CDK14: variants seen among roughly 807,000 people sequenced by gnomAD.
The protein encoded by CDK14 is cyclin dependent kinase 14.
CDK14 carries 34 observed loss-of-function variants against 60.7 expected under a neutral mutation model. The ratio of observed to expected loss-of-function variants is 0.56; its 90% CI spans 0.43 to 0.75. The LOEUF is 0.75. Ranked by LOEUF, CDK14 falls within the 30% of genes least tolerant of loss-of-function variation. The pLI is 0.00. For missense variants in CDK14, 482 were observed against 564.1 expected, an observed-to-expected ratio of 0.85 and a Z score of 1.47; for synonymous variants, 197 against 203.7, an observed-to-expected ratio of 0.97 and a Z score of 0.28.
At chr7:91,178,581 C>T (rs1475719818) in intron 14 of CDK14, among the ~76,000 whole-genome samples, 2 of 152,070 alleles carry the variant, frequency 1.3e-5, no homozygotes, top group African/African-American at 4.8e-5. Context: ...GGGCTAATAT[C>T]CAGAATCTAC....
intron 3 of CDK14, among the ~76,000 whole-genome samples, chr7:90,729,425 A>G (rs1802775722): frequency 9.4e-6 from 1 of 105,926 alleles, no homozygotes; most frequent in African/African-American, 3.7e-5. Context: ...CTGTCTTTAC[A>G]TTTTTATTTC....
chr7:91,197,177 A>G lies in CDK14; in HGVS notation c.*29-9988A>G, dbSNP rs191860643. Among the ~76,000 whole-genome samples, 797 of 152,220 alleles carry G rather than the reference A, an allele frequency of 5.2e-3. 1 individual carries two copies. The highest frequency in any genetic ancestry group is 8.3e-3 in the Non-Finnish European group (566 of 68,014). Reference sequence around the variant, plus strand: ...CACTTTGGGAGGCCAAGGTGGGTGGATCACTTGAGGCCAGGGGTTCAAGAC... The same window carrying G: ...CACTTTGGGAGGCCAAGGTGGGTGGGTCACTTGAGGCCAGGGGTTCAAGAC... On this transcript the variant is annotated intron_variant, in intron 14 of 14. Transcript: ENST00000380050.
intron 14 of CDK14, 106 bp downstream of exon 14, chr7:91,118,314 T>A: frequency 1.7e-6 from 1 of 583,322 alleles, no homozygotes. Context: ...CCTATGAGTC[T>A]CTTGTGTGCA....
chr7:90,960,824 C>T (rs1794582227), intron 9 of CDK14, among the ~76,000 whole-genome samples: 1 of 152,040 alleles, frequency 6.6e-6, no homozygotes, highest in Admixed American at 6.6e-5. Flanking sequence ...CAAATTAGCC[C>T]TACCATAGCC....
intron 14 of CDK14, among the ~76,000 whole-genome samples, chr7:91,122,825 A>G (rs1799821281): frequency 6.6e-6 from 1 of 152,116 alleles, no homozygotes; most frequent in African/African-American, 2.4e-5. Flanking sequence ...TGAAGCAGAG[A>G]GCAAAGCTGT....
At chr7:90,697,478 G>A (rs1262709329) in intron 2 of CDK14, among the ~76,000 whole-genome samples, 1 of 152,132 alleles carries the variant, frequency 6.6e-6, no homozygotes, top group African/African-American at 2.4e-5. Context: ...TTACAGGTGC[G>A]AGCTACTGTA....
chr7:91,201,717 G>C (rs1316877458), intron 14 of CDK14, among the ~76,000 whole-genome samples: 1 of 152,154 alleles, frequency 6.6e-6, no homozygotes, highest in East Asian at 1.9e-4. Context: ...TACACACAGA[G>C]ATTTAACAGG....
intron 7 of CDK14, among the ~76,000 whole-genome samples, chr7:90,900,371 T>C (rs919039101): frequency 2.0e-5 from 3 of 152,206 alleles, no homozygotes; most frequent in Non-Finnish European, 4.4e-5. Context: ...TGACTGTTCA[T>C]TTTTCTTAAA....
intron 2 of CDK14, among the ~76,000 whole-genome samples, chr7:90,656,383 CTT>C (rs5885737): frequency 3.6e-5 from 5 of 139,528 alleles, no homozygotes; most frequent in Non-Finnish European, 3.1e-5. Flanking sequence ...TTCTTTCTTT[CTT>C]TTTTTTTTTT....
At chr7:90,720,196 G>T (rs1235602815) in intron 2 of CDK14, among the ~76,000 whole-genome samples, 1 of 152,158 alleles carries the variant, frequency 6.6e-6, no homozygotes, top group Non-Finnish European at 1.5e-5. Flanking sequence ...TCTAAGGTAT[G>T]CAAAATATTG....
intron 10 of CDK14, among the ~76,000 whole-genome samples, chr7:90,987,331 T>C (rs1013260415): frequency 2.6e-5 from 4 of 152,066 alleles, no homozygotes; most frequent in African/African-American, 4.8e-5. Flanking sequence ...TTGCTCTTGT[T>C]AGAGTACAGA....
At chr7:90,736,205 A>G (rs565275293) in intron 3 of CDK14, among the ~76,000 whole-genome samples, 1 of 152,166 alleles carries the variant, frequency 6.6e-6, no homozygotes, top group East Asian at 1.9e-4. Flanking sequence ...TTGGAAGTGT[A>G]GAAATCACCT....
At chr7:91,082,842 T>G (rs897815230) in intron 12 of CDK14, among the ~76,000 whole-genome samples, 3 of 152,188 alleles carry the variant, frequency 2.0e-5, no homozygotes, top group Admixed American at 6.5e-5. Context: ...CTCTATTGTA[T>G]TTTTCTTGTC....
intron 8 of CDK14, among the ~76,000 whole-genome samples, chr7:90,955,065 T>C (rs1191521744): frequency 6.6e-6 from 1 of 152,126 alleles, no homozygotes; most frequent in East Asian, 1.9e-4. Context: ...GAGGACATTT[T>C]AATTTATCAT....
At chr7:90,850,596 G>A (rs1348718594) in intron 5 of CDK14, among the ~76,000 whole-genome samples, 2 of 152,306 alleles carry the variant, frequency 1.3e-5, no homozygotes, top group Non-Finnish European at 1.5e-5. Flanking sequence ...AGGCCCAGAA[G>A]CTGTGGAAGA....
Position 91,088,885 on chromosome 7 carries a change from T to G in CDK14, c.1154+9405T>G, listed in dbSNP as rs527620471. Among the ~76,000 whole-genome samples the G allele has an allele frequency of 6.7e-4, 102 of 152,192 alleles. 2 individuals are homozygous for G. The South Asian group carries it at 0.018, about 28-fold the overall frequency. On this transcript the variant is annotated intron_variant, in intron 12 of 14. Coordinates refer to ENST00000380050, the MANE Select transcript of CDK14 (RefSeq NM_001287135.2). ...AATCAGCCATCATCTTTGTGATGTT[T>G]GTCCAGCTAAATCCTTTAGTGACTA...
chr7:90,726,696 A>G lies in CDK14; in HGVS notation c.253A>G (p.Lys85Glu), dbSNP rs1273931921. 1.2e-6 allele frequency: 2 copies of G among 1,613,786 alleles called. No individual in the cohort carries two copies. The highest frequency in any genetic ancestry group is 1.7e-6 in the Non-Finnish European group (2 of 1,179,838). Reference sequence around the variant, plus strand: ...ACAGAGCACTTTTGACCCATTTGAGAAACCAGCTAATCAAGTAAAGAGGGT... The same window carrying G: ...ACAGAGCACTTTTGACCCATTTGAGGAACCAGCTAATCAAGTAAAGAGGGT... Reference protein sequence around the residue: ...RTQSTFDPFEKPANQVKRVHS... With the variant: ...RTQSTFDPFEEPANQVKRVHS... The change falls in exon 3 of 15, where the codon AAA becomes GAA. Residue 85 changes from lysine to glutamate, a missense_variant. Transcript: ENST00000380050.
At chr7:91,174,015 AAC>A (rs1562981349) in intron 14 of CDK14, among the ~76,000 whole-genome samples, 212 of 152,248 alleles carry the variant, frequency 1.4e-3, no homozygotes, top group Middle Eastern at 6.8e-3. Flanking sequence ...GGCACAGACA[AAC>A]AAAAAGATAG....
intron 9 of CDK14, among the ~76,000 whole-genome samples, chr7:90,960,599 CAT>C (rs909507394): frequency 1.3e-5 from 2 of 152,064 alleles, no homozygotes; most frequent in African/African-American, 2.4e-5. Flanking sequence ...ATTGATTTCG[CAT>C]ATGTTAGAAA....
Sources: gnomAD v4.1 joint callset for allele counts (sites outside exome capture counted in the v4.1 genomes callset) on GRCh38, gnomAD v4.1.1 for gene constraint, MANE v1.5 for transcripts, NCBI Gene and HGNC (gene_info 2026-07-23, HGNC 2026-07-21) for gene names.